GALNTL6: variants seen among roughly 807,000 people sequenced by gnomAD.
GALNTL6 encodes the protein polypeptide N-acetylgalactosaminyltransferase like 6.
GALNTL6 carries 46 observed loss-of-function variants against 73.7 expected under a neutral mutation model. That is an observed-to-expected ratio of 0.62 (90% CI 0.49 to 0.80). The LOEUF (loss-of-function observed/expected upper bound fraction) is 0.80, where lower values mean the gene tolerates loss of function less well. GALNTL6 is among the 30% of genes least tolerant of loss of function. GALNTL6 has a pLI of 0.00. For synonymous variants in GALNTL6, 259 were observed against 263.7 expected, an observed-to-expected ratio of 0.98 and a Z score of 0.17; for missense variants, 604 against 755.0, an observed-to-expected ratio of 0.80 and a Z score of 2.34.
chr4:172,904,536 T>G (rs1468888766), intron 8 of GALNTL6, among the ~76,000 whole-genome samples: 2 of 152,182 alleles, frequency 1.3e-5, no homozygotes, highest in African/African-American at 4.8e-5. Context: ...TCCAGGGGGC[T>G]TACAGGTACC....
chr4:172,289,634 G>T (rs529810162), intron 3 of GALNTL6, among the ~76,000 whole-genome samples: 90 of 152,290 alleles, frequency 5.9e-4, no homozygotes, highest in South Asian at 3.5e-3. Context: ...AGAAGCTAGA[G>T]CTCCTATGAG....
At chr4:172,640,633 C>G (rs1282035724) in intron 5 of GALNTL6, among the ~76,000 whole-genome samples, 1 of 152,128 alleles carries the variant, frequency 6.6e-6, no homozygotes, top group Non-Finnish European at 1.5e-5. Context: ...CATGTGTGTG[C>G]ACCCTTGATG....
intron 10 of GALNTL6, among the ~76,000 whole-genome samples, chr4:172,957,058 T>G (rs180779399): frequency 3.9e-5 from 6 of 152,188 alleles, no homozygotes; most frequent in Non-Finnish European, 7.3e-5. Flanking sequence ...CCAGTGAAAG[T>G]GTCTACCTAG....
intron 2 of GALNTL6, among the ~76,000 whole-genome samples, chr4:171,946,296 A>G (rs1315459302): frequency 6.6e-6 from 1 of 152,210 alleles, no homozygotes; most frequent in Non-Finnish European, 1.5e-5. Flanking sequence ...TAAATAATAA[A>G]AAGTTAAGTC....
intron 2 of GALNTL6, among the ~76,000 whole-genome samples, chr4:172,169,017 G>GT (rs1459109878): frequency 6.6e-6 from 1 of 152,222 alleles, no homozygotes; most frequent in Non-Finnish European, 1.5e-5. Context: ...CAGTGAAAAT[G>GT]TTCCTCTCTT....
intron 5 of GALNTL6, among the ~76,000 whole-genome samples, chr4:172,527,182 T>C (rs1185710712): frequency 6.6e-6 from 1 of 152,142 alleles, no homozygotes; most frequent in African/African-American, 2.4e-5. Flanking sequence ...AAAGGAAGAA[T>C]CATAATAAGA....
chr4:172,363,150 G>A lies in GALNTL6; in HGVS notation c.553+14461G>A, dbSNP rs1254068833. On this transcript the variant is annotated intron_variant, in intron 5 of 12. Transcript: ENST00000506823. ...TAGTCCATATGGCAGGTTTTGTCAT[G>A]ATAAAACCAAGATGCCAAATTTTGC... is the stretch of plus-strand genomic sequence containing the variant. 2.0e-5 allele frequency among the ~76,000 whole-genome samples: 3 copies of A among 152,102 alleles called. No homozygotes were observed. In the East Asian group the frequency reaches 5.8e-4, roughly 29 times the overall value.
intron 5 of GALNTL6, among the ~76,000 whole-genome samples, chr4:172,531,803 G>A (rs1390124130): frequency 2.0e-5 from 3 of 152,208 alleles, no homozygotes; most frequent in East Asian, 3.9e-4. Context: ...GGGCAAGGGT[G>A]TGGAGGGTAA....
chr4:172,671,913 CAGA>C (rs775700212), intron 5 of GALNTL6, among the ~76,000 whole-genome samples: 3 of 152,094 alleles, frequency 2.0e-5, no homozygotes, highest in Non-Finnish European at 4.4e-5. Flanking sequence ...TTGTTTTAGA[CAGA>C]GTCTCACTCT....
chr4:172,306,035 T>G (rs766993643), intron 3 of GALNTL6, among the ~76,000 whole-genome samples: 9 of 152,182 alleles, frequency 5.9e-5, no homozygotes, highest in Non-Finnish European at 1.0e-4. Flanking sequence ...GTACAAACAT[T>G]TTTTAAAAGA....
intron 12 of GALNTL6, among the ~76,000 whole-genome samples, chr4:173,037,293 T>C (rs555129795): frequency 6.6e-6 from 1 of 152,330 alleles, no homozygotes; most frequent in Non-Finnish European, 1.5e-5. Flanking sequence ...TCATTCAATT[T>C]TATGACTAGG....
chr4:172,448,656 T>G (rs1242544849), intron 5 of GALNTL6, among the ~76,000 whole-genome samples: 1 of 152,198 alleles, frequency 6.6e-6, no homozygotes, highest in Non-Finnish European at 1.5e-5. Flanking sequence ...TGACAACGCT[T>G]TTTAGTCTTC....
rs570240000 is a variant in GALNTL6 at position 171,982,464 on chromosome 4, A to AT, written c.138+167753dup. On this transcript the variant is annotated intron_variant, in intron 2 of 12. Transcript: ENST00000506823. ...AGGCGCCCGCCACCACGCCCGGCTGATTTTTTTGTATTTTCATTAGAGACG... is the reference window on the plus strand; with the variant it reads ...AGGCGCCCGCCACCACGCCCGGCTGATTTTTTTTGTATTTTCATTAGAGACG... Among the ~76,000 whole-genome samples the AT allele has an allele frequency of 4.3e-3, 654 of 151,862 alleles. 4 individuals carry two copies. Among genetic ancestry groups the AT allele is most frequent in the East Asian group, 0.015 (78 of 5,136 alleles).
chr4:172,380,263 A>C (rs545506034), intron 5 of GALNTL6: 57 of 851,786 alleles, frequency 6.7e-5, no homozygotes, highest in Non-Finnish European at 1.1e-4. Context: ...TAGGATGACA[A>C]ATTTTGGTCA....
At chr4:173,021,301 C>T (rs1579791787) in intron 11 of GALNTL6, among the ~76,000 whole-genome samples, 175 bp from the exon 12 acceptor site, 1 of 152,304 alleles carries the variant, frequency 6.6e-6, no homozygotes, top group East Asian at 1.9e-4. Flanking sequence ...GTTACTGCTA[C>T]AGCACTTTAT....
intron 2 of GALNTL6, among the ~76,000 whole-genome samples, chr4:171,899,669 A>G (rs1211282454): frequency 1.3e-5 from 2 of 152,166 alleles, no homozygotes; most frequent in African/African-American, 4.8e-5. Flanking sequence ...AACAAAGACT[A>G]ATTGCTAGGA....
At chr4:171,947,016 A>T (rs779645960) in intron 2 of GALNTL6, among the ~76,000 whole-genome samples, 27 of 152,096 alleles carry the variant, frequency 1.8e-4, no homozygotes, top group Non-Finnish European at 4.0e-4. Flanking sequence ...AGATGTCGGG[A>T]GATGAAAAAG....
intron 5 of GALNTL6, among the ~76,000 whole-genome samples, chr4:172,545,379 AC>A (rs1258461483): frequency 6.6e-6 from 1 of 152,202 alleles, no homozygotes; most frequent in Non-Finnish European, 1.5e-5. Context: ...AGTGTTGCTA[AC>A]TATAGCACCA....
At chr4:172,248,827 A>T (rs961846068) in intron 3 of GALNTL6, among the ~76,000 whole-genome samples, 3 of 152,084 alleles carry the variant, frequency 2.0e-5, no homozygotes, top group African/African-American at 7.2e-5. Flanking sequence ...GTGAAGAAGG[A>T]TGTGTTTGCT....
Sources: gnomAD v4.1 joint callset for allele counts (sites outside exome capture counted in the v4.1 genomes callset) on GRCh38, gnomAD v4.1.1 for gene constraint, MANE v1.5 for transcripts, NCBI Gene and HGNC (gene_info 2026-07-23, HGNC 2026-07-21) for gene names.